Variants in AGBL4 observed in about 807,000 individuals in gnomAD.
AGBL4 encodes cytosolic carboxypeptidase 6.
In AGBL4, 58 loss-of-function variants were observed where a neutral mutation model predicts 66.4. That is an observed-to-expected ratio of 0.87 (90% CI 0.71 to 1.09). The LOEUF is 1.09. AGBL4 is among the 50% of genes least tolerant of loss of function. The pLI is 0.00. For missense variants in AGBL4, 579 were observed against 631.0 expected (o/e 0.92, Z 0.88); for synonymous variants, 234 against 222.9 (o/e 1.05, Z -0.44).
chr1:48,729,686 G>A (rs1570380831), intron 6 of AGBL4, among the ~76,000 whole-genome samples: 1 of 152,058 alleles, frequency 6.6e-6, no homozygotes, highest in Non-Finnish European at 1.5e-5. Context: ...TGGGCACAGA[G>A]CCAGCCAGTC....
chr1:49,410,722 G>A (rs1022431102), intron 3 of AGBL4, among the ~76,000 whole-genome samples: 5 of 152,042 alleles, frequency 3.3e-5, no homozygotes, highest in African/African-American at 1.2e-4. Context: ...TCCTTTTCCT[G>A]GATCCATTTG....
At chr1:49,452,033 A>G (rs1167800754) in intron 3 of AGBL4, among the ~76,000 whole-genome samples, 1 of 151,828 alleles carries the variant, frequency 6.6e-6, no homozygotes, top group Non-Finnish European at 1.5e-5. Context: ...CCTTCACCCA[A>G]TGTTCTGGAT....
intron 1 of AGBL4, among the ~76,000 whole-genome samples, chr1:49,885,487 C>CA (rs995383650): frequency 2.0e-5 from 3 of 151,524 alleles, no homozygotes; most frequent in African/African-American, 7.3e-5. Flanking sequence ...AATAACTCAC[C>CA]AAAAAAACCC....
In AGBL4 at chr1:49,146,956, T is replaced by C. The variant is rs114600253; in HGVS notation, c.377+98814A>G. 6.1e-3 allele frequency among the ~76,000 whole-genome samples: 929 copies of C among 152,326 alleles called. 11 individuals carry two copies. The highest frequency in any genetic ancestry group is 0.022 in the African/African-American group (896 of 41,568). On this transcript the variant is annotated intron_variant, in intron 4 of 13. Transcript: ENST00000371839. ...TGGGCATGGAGGAAATCATAATTCA[T>C]CAGCTTCAGAAAACTCAGAATGCTG...
chr1:49,900,492 G>T (rs1047167886), intron 1 of AGBL4, among the ~76,000 whole-genome samples: 1 of 152,120 alleles, frequency 6.6e-6, no homozygotes, highest in Non-Finnish European at 1.5e-5. Context: ...TGATCTGCTG[G>T]CCTTAGCCTC....
chr1:49,999,026 C>T (rs1660558447), intron 1 of AGBL4, among the ~76,000 whole-genome samples: 1 of 152,082 alleles, frequency 6.6e-6, no homozygotes, highest in African/African-American at 2.4e-5. Context: ...TGGAACAAGA[C>T]AAGGATGCCC....
At chr1:48,984,627 T>G (rs1474591131) in intron 5 of AGBL4, among the ~76,000 whole-genome samples, 2 of 150,990 alleles carry the variant, frequency 1.3e-5, no homozygotes, top group Non-Finnish European at 3.0e-5. Context: ...CCAATACTGT[T>G]TAACCTAATA....
chr1:49,416,816 A>G (rs1035520913), intron 3 of AGBL4, among the ~76,000 whole-genome samples: 5 of 152,132 alleles, frequency 3.3e-5, no homozygotes, highest in African/African-American at 1.2e-4. Flanking sequence ...CATGTTCTGT[A>G]TAGTATTTAT....
intron 5 of AGBL4, among the ~76,000 whole-genome samples, chr1:49,030,943 G>A (rs1352587768): frequency 6.6e-6 from 1 of 151,970 alleles, no homozygotes; most frequent in African/African-American, 2.4e-5. Flanking sequence ...GTGACGGAGT[G>A]TGAATGGAGA....
Position 49,768,238 on chromosome 1 carries a change from G to A in AGBL4, c.158-70801C>T, listed in dbSNP as rs12060352. ...CACAATGAAAACAAGAAAACTGCAGGTTAATATGCATGATGAACATAGACA... is the reference window on the plus strand; with the variant it reads ...CACAATGAAAACAAGAAAACTGCAGATTAATATGCATGATGAACATAGACA... On this transcript the variant is annotated intron_variant, in intron 2 of 13. Coordinates refer to ENST00000371839, the MANE Select transcript of AGBL4 (RefSeq NM_032785.4). Among the ~76,000 whole-genome samples, 408 of 151,964 alleles carry A rather than the reference G, an allele frequency of 2.7e-3. 1 individual carries two copies. The highest frequency in any genetic ancestry group is 9.3e-3 in the African/African-American group (385 of 41,430).
intron 1 of AGBL4, among the ~76,000 whole-genome samples, chr1:49,938,331 C>A (rs1047110139): frequency 2.0e-5 from 3 of 152,096 alleles, no homozygotes; most frequent in Admixed American, 6.6e-5. Flanking sequence ...CAATAACAGG[C>A]TCTGAAATTG....
At chr1:48,529,424 A>G (rs1557764409), downstream of AGBL4, among the ~76,000 whole-genome samples, 1 of 152,148 alleles carries the variant, frequency 6.6e-6, no homozygotes, top group Non-Finnish European at 1.5e-5. Flanking sequence ...TATAGGAAGT[A>G]GATATTATTC....
chr1:49,295,882 T>C (rs1308959313), intron 3 of AGBL4, among the ~76,000 whole-genome samples: 2 of 152,264 alleles, frequency 1.3e-5, no homozygotes, highest in East Asian at 3.9e-4. Flanking sequence ...AACTCTGAAG[T>C]GTTCAAGCCT....
At chr1:49,228,881 C>T (rs777098869) in intron 4 of AGBL4, among the ~76,000 whole-genome samples, 1 of 152,146 alleles carries the variant, frequency 6.6e-6, no homozygotes, top group Non-Finnish European at 1.5e-5. Flanking sequence ...ATTGTCTCCT[C>T]CTGAAGGAAC....
intron 3 of AGBL4, among the ~76,000 whole-genome samples, chr1:49,348,437 A>AT (rs1211596200): frequency 6.6e-6 from 1 of 152,126 alleles, no homozygotes; most frequent in African/African-American, 2.4e-5. Context: ...AAAAATAAAA[A>AT]TAAAAAAAAG....
chr1:48,802,384 T>C lies in AGBL4; in HGVS notation c.634+64807A>G, dbSNP rs144644952. On this transcript the variant is annotated intron_variant, in intron 6 of 13. Transcript: ENST00000371839. ...ATATGTCTATGCCTACCCCATCATGTCATTTAGAATCTTCAATTGGGACAT... is the reference window on the plus strand; with the variant it reads ...ATATGTCTATGCCTACCCCATCATGCCATTTAGAATCTTCAATTGGGACAT... Among the ~76,000 whole-genome samples the C allele has an allele frequency of 1.3e-3, 195 of 152,248 alleles. 3 individuals carry two copies. Among genetic ancestry groups the C allele is most frequent in the Admixed American group, 4.1e-3 (62 of 15,292 alleles).
chr1:49,884,858 T>A (rs1304422328), intron 1 of AGBL4, among the ~76,000 whole-genome samples: 1 of 151,920 alleles, frequency 6.6e-6, no homozygotes, highest in Non-Finnish European at 1.5e-5. Flanking sequence ...GAAAAATGTG[T>A]ATCTATAGAT....
At chr1:49,513,564 ATTCAT>A (rs1649473210) in intron 3 of AGBL4, among the ~76,000 whole-genome samples, 1 of 151,958 alleles carries the variant, frequency 6.6e-6, no homozygotes, top group South Asian at 2.1e-4. Context: ...CTCCAGCTCC[ATTCAT>A]GTTGCTTCAA....
intron 3 of AGBL4, among the ~76,000 whole-genome samples, chr1:49,644,690 C>T (rs540499706): frequency 2.0e-5 from 3 of 151,550 alleles, no homozygotes; most frequent in African/African-American, 7.2e-5. Context: ...ACACACATCT[C>T]TAAATTATTG....
Sources: allele counts gnomAD v4.1 joint callset (sites outside exome capture counted in the v4.1 genomes callset), GRCh38; gene constraint gnomAD v4.1.1; transcripts MANE v1.5; gene names NCBI Gene and HGNC (gene_info 2026-07-23, HGNC 2026-07-21).